The following SH3RF3 variants were observed in gnomAD, a reference collection of about 807,000 sequenced individuals.
SH3RF3 encodes the protein E3 ubiquitin-protein ligase SH3RF3.
In SH3RF3, 29 loss-of-function variants were observed where a neutral mutation model predicts 66.3. The observed-to-expected ratio is 0.44, with a 90% CI of 0.33 to 0.60. The LOEUF is 0.60. SH3RF3 is among the 20% of genes least tolerant of loss of function. The pLI, the probability that SH3RF3 is intolerant of heterozygous loss-of-function variation, is 0.04. For missense variants in SH3RF3, 1,194 were observed against 1,190.9 expected, an observed-to-expected ratio of 1.00 and a Z score of -0.04; for synonymous variants, 583 against 532.0, an observed-to-expected ratio of 1.10 and a Z score of -1.32.
chr2:109,490,668 T>C lies in SH3RF3; in HGVS notation c.2212T>C (p.Ser738Pro), dbSNP rs1271653246. 1 of 1,517,030 alleles carries C rather than the reference T, an allele frequency of 6.6e-7. No homozygotes were observed. The highest frequency in any genetic ancestry group is 1.2e-5 in the South Asian group (1 of 82,862). 94.0% of individuals were successfully genotyped at this position (1,517,030 alleles called of 1,614,324 possible). ...AGCATCCACCAAGAAGAAGTCACGC[T>C]CCCCGCCATCTGTGTCTCCAACCCA... ...AGASTKKKSR[S>P]PPSVSPTHDP... Residue 738 changes from serine to proline, a missense_variant, in exon 9 of 10, where the codon TCC becomes CCC. Coordinates refer to ENST00000309415, the MANE Select transcript of SH3RF3 (RefSeq NM_001099289.3).
chr2:109,366,374 C>A (rs1234725489), intron 2 of SH3RF3, among the ~76,000 whole-genome samples: 1 of 152,166 alleles, frequency 6.6e-6, no homozygotes, highest in Non-Finnish European at 1.5e-5. Context: ...TATGTACTGT[C>A]ACTAAATGAT....
At chr2:109,224,324 G>A (rs545699451) in intron 1 of SH3RF3, among the ~76,000 whole-genome samples, 1 of 152,312 alleles carries the variant, frequency 6.6e-6, no homozygotes, top group African/African-American at 2.4e-5. Context: ...GTCACATATT[G>A]GACAAATAAG....
chr2:109,242,218 T>C lies in SH3RF3; in HGVS notation c.574-105456T>C, dbSNP rs142510250. 3.3e-3 allele frequency among the ~76,000 whole-genome samples: 503 copies of C among 152,248 alleles called. 2 individuals carry two copies. Among genetic ancestry groups the C allele is most frequent in the Non-Finnish European group, 4.9e-3 (336 of 68,004 alleles). On this transcript the variant is annotated intron_variant, in intron 1 of 9. Coordinates refer to ENST00000309415, the MANE Select transcript of SH3RF3 (RefSeq NM_001099289.3). ...CCCCTTTTCCTGCTGTTCTCAACTT[T>C]GGTAGCACCTTGGCACCATCTGGGG...
chr2:109,399,664 A>T (rs948310707), intron 4 of SH3RF3, among the ~76,000 whole-genome samples: 3 of 152,244 alleles, frequency 2.0e-5, no homozygotes, highest in Admixed American at 2.0e-4. Context: ...TTTTTAAATA[A>T]TGAACAATAT....
At chr2:109,266,085 G>A (rs1378555411) in intron 1 of SH3RF3, among the ~76,000 whole-genome samples, 3 of 151,972 alleles carry the variant, frequency 2.0e-5, no homozygotes, top group East Asian at 3.9e-4. Context: ...TATGGTATGT[G>A]TGTTGTGCGT....
chr2:109,140,870 G>C (rs936907038), intron 1 of SH3RF3, among the ~76,000 whole-genome samples: 1 of 152,096 alleles, frequency 6.6e-6, no homozygotes, highest in Admixed American at 6.5e-5. Flanking sequence ...TGGCCCCAGG[G>C]GTATCAGTTT....
At chr2:109,248,368 G>A (rs1285794423) in intron 1 of SH3RF3, among the ~76,000 whole-genome samples, 3 of 152,050 alleles carry the variant, frequency 2.0e-5, no homozygotes, top group Non-Finnish European at 1.5e-5. Flanking sequence ...AAGTTTTATG[G>A]TTTTGCCTCT....
intron 1 of SH3RF3, among the ~76,000 whole-genome samples, chr2:109,252,692 C>T (rs1318805617): frequency 2.0e-5 from 3 of 152,224 alleles, no homozygotes; most frequent in Non-Finnish European, 4.4e-5. Flanking sequence ...GCCTAGCCTA[C>T]TTTAAATGTA....
At chr2:109,390,038 A>C (rs1675941226) in intron 3 of SH3RF3, among the ~76,000 whole-genome samples, 1 of 152,180 alleles carries the variant, frequency 6.6e-6, no homozygotes. Context: ...CCTCAGGTTA[A>C]AAATGGCCAG....
At chr2:109,465,446 G>A (rs2104701017) in intron 8 of SH3RF3, among the ~76,000 whole-genome samples, 1 of 152,290 alleles carries the variant, frequency 6.6e-6, no homozygotes, top group South Asian at 2.1e-4. Flanking sequence ...TTTCCTACCA[G>A]CAATGAATGA....
At chr2:109,227,922 C>T (rs1679409835) in intron 1 of SH3RF3, among the ~76,000 whole-genome samples, 1 of 152,200 alleles carries the variant, frequency 6.6e-6, no homozygotes, top group African/African-American at 2.4e-5. Flanking sequence ...GACCGTCATT[C>T]CTGATGTTTC....
At chr2:109,441,948 T>C (rs1677576299) in intron 7 of SH3RF3, among the ~76,000 whole-genome samples, 2 of 104,182 alleles carry the variant, frequency 1.9e-5, no homozygotes, top group South Asian at 6.2e-4. Flanking sequence ...AGCAAAAATA[T>C]CTTTCAAAAA....
chr2:109,297,789 C>G (rs1433422707), intron 1 of SH3RF3, among the ~76,000 whole-genome samples: 2 of 151,608 alleles, frequency 1.3e-5, no homozygotes, highest in African/African-American at 4.9e-5. Context: ...TTGCCCCCAA[C>G]TAGGTCAGCT....
At chr2:109,400,677 C>T (rs1167275906) in intron 4 of SH3RF3, among the ~76,000 whole-genome samples, 1 of 123,464 alleles carries the variant, frequency 8.1e-6, no homozygotes, top group African/African-American at 3.2e-5. Flanking sequence ...CGCACACACA[C>T]ATTGGTGGAT....
At chr2:109,476,216 G>T (rs1008922491) in intron 8 of SH3RF3, among the ~76,000 whole-genome samples, 9 of 152,180 alleles carry the variant, frequency 5.9e-5, no homozygotes, top group African/African-American at 2.2e-4. Context: ...ACTCAGCCCT[G>T]CCCCCACCAG....
chr2:109,334,133 A>G lies in SH3RF3; in HGVS notation c.574-13541A>G, dbSNP rs150309689. On this transcript the variant is annotated intron_variant, in intron 1 of 9. Coordinates refer to ENST00000309415, the MANE Select transcript of SH3RF3 (RefSeq NM_001099289.3). ...CAGCGCTTTGGGAGGCCAAAGTGGGAGGACTGTTTGAGCCCACAAGTTCAG... is the reference window on the plus strand; with the variant it reads ...CAGCGCTTTGGGAGGCCAAAGTGGGGGGACTGTTTGAGCCCACAAGTTCAG... Among the ~76,000 whole-genome samples the G allele has an allele frequency of 3.5e-3, 529 of 152,270 alleles. 5 individuals are homozygous for G. Among genetic ancestry groups the G allele is most frequent in the African/African-American group, 0.012 (495 of 41,554 alleles).
At chr2:109,307,739 C>CAA (rs1244137218) in intron 1 of SH3RF3, among the ~76,000 whole-genome samples, 2 of 149,510 alleles carry the variant, frequency 1.3e-5, no homozygotes, top group African/African-American at 5.0e-5. Flanking sequence ...CATGTCCCTA[C>CAA]AAAGGACACG....
At chr2:109,377,916 G>A (rs953495782) in intron 3 of SH3RF3, among the ~76,000 whole-genome samples, 1 of 152,332 alleles carries the variant, frequency 6.6e-6, no homozygotes, top group East Asian at 1.9e-4. Context: ...AAGGCACAAC[G>A]ACAGCTCTCA....
intron 9 of SH3RF3, among the ~76,000 whole-genome samples, chr2:109,495,612 C>G (rs1679240592): frequency 7.3e-6 from 1 of 137,790 alleles, no homozygotes; most frequent in Non-Finnish European, 1.6e-5. Flanking sequence ...CCCAGCTTCC[C>G]AAGTAGCTGG....
Sources: allele counts gnomAD v4.1 joint callset (sites outside exome capture counted in the v4.1 genomes callset), GRCh38; gene constraint gnomAD v4.1.1; transcripts MANE v1.5; gene names NCBI Gene and HGNC (gene_info 2026-07-23, HGNC 2026-07-21).